Variants in AK2 observed in about 807,000 individuals in gnomAD.
The protein encoded by AK2 is adenylate kinase 2, also known as adenylate kinase 2, mitochondrial.
A neutral mutation model predicts 24.6 loss-of-function variants in AK2; 15 were observed. The observed-to-expected ratio is 0.61, with a 90% CI of 0.41 to 0.94. The LOEUF is 0.94. Ranked by LOEUF, AK2 falls within the 40% of genes least tolerant of loss-of-function variation. The pLI is 0.00. For missense variants in AK2, 257 were observed against 304.1 expected (o/e 0.85, Z 1.15); for synonymous variants, 102 against 114.0 (o/e 0.90, Z 0.67).
At chr1:33,014,423 G>A in intron 5 of AK2, 99 bp downstream of exon 5, 1 of 951,134 alleles carries the variant, frequency 1.1e-6, no homozygotes, top group Non-Finnish European at 1.7e-6. Flanking sequence ...AGTAATATTG[G>A]TAGAAATAAA....
intron 1 of AK2, chr1:33,031,869 C>A (rs947519033): frequency 2.9e-5 from 8 of 277,452 alleles, no homozygotes; most frequent in Non-Finnish European, 5.2e-5. Context: ...GAAGGAGCAT[C>A]CAACCCCAAA....
chr1:33,011,253 C>T lies in AK2; in HGVS notation c.*1928G>A, dbSNP rs1328451392. ...GAGCTGATTCTAAGATTCATGATGCCACTGTCACCCAGAGAAGGATCCCAG... is the reference window on the plus strand; with the variant it reads ...GAGCTGATTCTAAGATTCATGATGCTACTGTCACCCAGAGAAGGATCCCAG... On this transcript the variant is annotated 3_prime_UTR_variant, in exon 6 of 6. Transcript: ENST00000672715. 3 of 1,298,358 alleles carry T rather than the reference C, an allele frequency of 2.3e-6. No individual in the cohort carries two copies. The highest frequency in any genetic ancestry group is 1.5e-5 in the African/African-American group (1 of 66,464). The allele number at this position is 1,298,358 out of a possible 1,614,324, so 80.4% of individuals were successfully genotyped here.
chr1:33,026,335 A>G (rs560461680), intron 1 of AK2, among the ~76,000 whole-genome samples: 29 of 152,234 alleles, frequency 1.9e-4, no homozygotes, highest in African/African-American at 6.3e-4. Flanking sequence ...AGTAGCTGGG[A>G]TTGCAGGCAC....
chr1:33,015,420 A>G (rs1639121246), intron 4 of AK2, among the ~76,000 whole-genome samples: 3 of 152,238 alleles, frequency 2.0e-5, no homozygotes, highest in Admixed American at 6.5e-5. Flanking sequence ...GGAGCCTAGA[A>G]ACCTAAGGAA....
intron 4 of AK2, among the ~76,000 whole-genome samples, chr1:33,019,074 C>T (rs774699488): frequency 3.3e-5 from 5 of 152,168 alleles, no homozygotes; most frequent in African/African-American, 9.7e-5. Context: ...ATAATCATTC[C>T]GGCTTCTCCT....
At chr1:33,024,620 T>C (rs1639760298) in intron 1 of AK2, 53 bp from the exon 2 acceptor site, 6 of 1,611,630 alleles carry the variant, frequency 3.7e-6, no homozygotes, top group Non-Finnish European at 4.2e-6. Context: ...GGCTGTGGAG[T>C]CAGACTGCCT....
At chr1:33,020,486 C>T (rs1294694453) in intron 4 of AK2, among the ~76,000 whole-genome samples, 1 of 152,168 alleles carries the variant, frequency 6.6e-6, no homozygotes, top group African/African-American at 2.4e-5. Flanking sequence ...GTGTTATCAA[C>T]CCCCTTCTAC....
At chr1:33,016,957 G>A (rs1186928039) in intron 4 of AK2, among the ~76,000 whole-genome samples, 5 of 150,790 alleles carry the variant, frequency 3.3e-5, no homozygotes, top group East Asian at 3.9e-4. Context: ...CACCCACCTC[G>A]GCCTCCCAAA....
Position 33,019,839 on chromosome 1 carries a change from G to A in AK2, c.425+1528C>T. The A allele has an allele frequency of 3.3e-6, 4 of 1,215,604 alleles. No individual in the cohort carries two copies. In the South Asian group the frequency reaches 1.1e-4, roughly 32 times the overall value. The allele number at this position is 1,215,604 out of a possible 1,614,324, so 75.3% of individuals were successfully genotyped here. ...AAGAAACATAAATGTACAACAATAA[G>A]GAAATAAGTAAACAATGGTTAACCT... On this transcript the variant is annotated intron_variant, in intron 4 of 5. Coordinates refer to ENST00000672715, the MANE Select transcript of AK2 (RefSeq NM_001625.4).
chr1:33,023,594 C>T (rs1193296516), intron 2 of AK2, among the ~76,000 whole-genome samples: 2 of 151,818 alleles, frequency 1.3e-5, no homozygotes, highest in East Asian at 1.9e-4. Context: ...AGAGAAAATG[C>T]AATTATCGTC....
At chr1:33,017,656 C>T in intron 4 of AK2, among the ~76,000 whole-genome samples, 1 of 152,226 alleles carries the variant, frequency 6.6e-6, no homozygotes, top group East Asian at 1.9e-4. Flanking sequence ...TGGGATTGCT[C>T]TCAAGTACCA....
chr1:33,036,606 C>A, intron 1 of AK2, 130 bp downstream of exon 1: 1 of 858,266 alleles, frequency 1.2e-6, no homozygotes, highest in Non-Finnish European at 1.9e-6. Context: ...AGAACCGAGA[C>A]CCCGGCCAGC....
At position 33,008,891 on chromosome 1, in the gene AK2, T is replaced by C. The variant is rs115786666; in HGVS notation, c.*4290A>G. On this transcript the variant is annotated 3_prime_UTR_variant, in exon 6 of 6. Coordinates refer to ENST00000672715, the MANE Select transcript of AK2 (RefSeq NM_001625.4). The stretch of plus-strand genomic sequence containing the variant: ...AAACAAACAATAGCTCACCCAGTCT[T>C]CTCTGTTTATTCTTCTCAACTACAC... The C allele has an allele frequency of 5.4e-3, 2,471 of 454,098 alleles. 38 individuals are homozygous for C. The highest frequency in any genetic ancestry group is 0.038 in the African/African-American group (1,902 of 50,104). The allele number at this position is 454,098 out of a possible 1,614,324, so 28.1% of individuals were successfully genotyped here.
In AK2 at chr1:33,021,609, A is replaced by G. The variant is rs1448601987; in HGVS notation, c.314T>C (p.Val105Ala). Residue 105 changes from valine to alanine, a missense_variant, in exon 3 of 6, where the codon GTG becomes GCG. Physicochemically the swap from Val to Ala is moderately conservative, Grantham distance 64 (BLOSUM62 0). Transcript: ENST00000672715. Reference protein sequence around the residue: ...GFLLDGFPRTVRQAEMLDDLM... With the variant: ...GFLLDGFPRTARQAEMLDDLM... Reference sequence around the variant, plus strand: ...GCTACCCACCATTTCTGCCTGCCTCACAGTCCGAGGGAAGCCATCCAGAAG... The same window carrying G: ...GCTACCCACCATTTCTGCCTGCCTCGCAGTCCGAGGGAAGCCATCCAGAAG... The G allele has an allele frequency of 3.7e-6, 6 of 1,614,086 alleles. No individual in the cohort carries two copies. Among genetic ancestry groups the G allele is most frequent in the East Asian group, 4.5e-5 (2 of 44,888 alleles).
At chr1:33,019,637 T>C (rs1291508156) in intron 4 of AK2, 1 of 996,948 alleles carries the variant, frequency 1.0e-6, no homozygotes, top group Non-Finnish European at 1.2e-6. Flanking sequence ...CCCTGTGCTG[T>C]CTATTCACAT....
chr1:33,034,233 A>G (rs1373385001), intron 1 of AK2, among the ~76,000 whole-genome samples: 1 of 152,104 alleles, frequency 6.6e-6, no homozygotes, highest in African/African-American at 2.4e-5. Context: ...CTCTATTTCT[A>G]CAAAGCCTTC....
chr1:33,020,315 A>G (rs1360209665), intron 4 of AK2, among the ~76,000 whole-genome samples: 1 of 152,228 alleles, frequency 6.6e-6, no homozygotes, highest in Non-Finnish European at 1.5e-5. Context: ...AAAAGTCTAC[A>G]GCAAAGTATG....
At chr1:33,019,279 G>A (rs926507622) in intron 4 of AK2, among the ~76,000 whole-genome samples, 1 of 152,124 alleles carries the variant, frequency 6.6e-6, no homozygotes, top group Admixed American at 6.5e-5. Context: ...AGAGCCTCTC[G>A]TGGTCCTCTG....
intron 1 of AK2, 82 bp downstream of exon 1, chr1:33,036,654 A>C: frequency 1.5e-6 from 2 of 1,315,664 alleles, no homozygotes; most frequent in Admixed American, 3.9e-5. Flanking sequence ...CGCTCCGGGC[A>C]GGTCCAGGGC....
Sources: gnomAD v4.1 joint callset for allele counts (sites outside exome capture counted in the v4.1 genomes callset) on GRCh38, gnomAD v4.1.1 for gene constraint, MANE v1.5 for transcripts, NCBI Gene and HGNC (gene_info 2026-07-23, HGNC 2026-07-21) for gene names.